The following PSD3 variants were observed in gnomAD, a reference collection of about 807,000 sequenced individuals.
PSD3 encodes pleckstrin and Sec7 domain containing 3, also known as PH and SEC7 domain-containing protein 3.
PSD3 carries 49 observed loss-of-function variants against 105.5 expected under a neutral mutation model. The ratio of observed to expected loss-of-function variants is 0.46; its 90% CI spans 0.37 to 0.59. The LOEUF (loss-of-function observed/expected upper bound fraction) is 0.59. PSD3 is among the 20% of genes least tolerant of loss of function. The pLI, the probability that PSD3 is intolerant of heterozygous loss-of-function variation, is 0.00. For missense variants in PSD3, 1,561 were observed against 1,263.8 expected (o/e 1.24, Z -3.57); for synonymous variants, 557 against 457.8 (o/e 1.22, Z -2.77).
chr8:18,804,515 G>A lies in PSD3; in HGVS notation c.1910+7C>T. 3.1e-6 allele frequency: 5 copies of A among 1,595,684 alleles called. No individual in the cohort carries two copies. The highest frequency in any genetic ancestry group is 3.4e-6 in the Non-Finnish European group (4 of 1,163,586). On this transcript the variant is annotated splice_region_variant and intron_variant, in intron 6 of 15. Transcript: ENST00000327040. The stretch of plus-strand genomic sequence containing the variant: ...CAATGACGAGCAGCAAGGAGGCTTA[G>A]TCATACCTGAGTGACTGATCCAGCG...
chr8:18,959,181 A>G (rs1823760280), intron 1 of PSD3, among the ~76,000 whole-genome samples: 1 of 152,200 alleles, frequency 6.6e-6, no homozygotes, highest in African/African-American at 2.4e-5. Context: ...TCGGCCTCCC[A>G]AAGTGCTGGG....
At chr8:18,689,922 T>C (rs1209582043) in intron 9 of PSD3, among the ~76,000 whole-genome samples, 1 of 152,212 alleles carries the variant, frequency 6.6e-6, no homozygotes, top group Non-Finnish European at 1.5e-5. Flanking sequence ...CAAAGTGACT[T>C]GTCCAGGAGC....
intron 4 of PSD3, among the ~76,000 whole-genome samples, chr8:18,829,932 A>C (rs1813544696): frequency 6.6e-6 from 1 of 152,148 alleles, no homozygotes; most frequent in South Asian, 2.1e-4. Context: ...TTCTTCCCCA[A>C]AAAGCTCTGA....
chr8:18,625,269 C>A (rs1806396234), intron 11 of PSD3, among the ~76,000 whole-genome samples: 1 of 151,998 alleles, frequency 6.6e-6, no homozygotes, highest in Admixed American at 6.6e-5. Flanking sequence ...ATCTGACTTA[C>A]TTTCTATATC....
intron 14 of PSD3, among the ~76,000 whole-genome samples, chr8:18,572,276 A>T (rs1310580563): frequency 6.6e-6 from 1 of 152,228 alleles, no homozygotes; most frequent in African/African-American, 2.4e-5. Flanking sequence ...ATTGCTCATA[A>T]TGAACTAATA....
intron 4 of PSD3, among the ~76,000 whole-genome samples, chr8:18,833,566 T>G (rs1399307663): frequency 2.0e-5 from 3 of 152,192 alleles, no homozygotes; most frequent in Non-Finnish European, 4.4e-5. Context: ...GACAAGCCAG[T>G]GGAGAAAATC....
intron 1 of PSD3, among the ~76,000 whole-genome samples, chr8:18,996,607 T>C (rs573211020): frequency 1.1e-4 from 17 of 151,878 alleles, no homozygotes; most frequent in Non-Finnish European, 2.1e-4. Context: ...ACATGAAGCA[T>C]CATATTTTTT....
intron 4 of PSD3, among the ~76,000 whole-genome samples, chr8:18,818,971 A>G (rs2129449078): frequency 6.6e-6 from 1 of 152,264 alleles, no homozygotes; most frequent in Middle Eastern, 3.4e-3. Context: ...CTGTTACATC[A>G]GAGACCCTTG....
intron 9 of PSD3, among the ~76,000 whole-genome samples, chr8:18,662,379 A>C (rs2130877904): frequency 6.6e-6 from 1 of 152,332 alleles, no homozygotes; most frequent in East Asian, 1.9e-4. Flanking sequence ...AACTTTACCT[A>C]GTGAAGAATT....
chr8:18,728,727 A>T (rs951848366), intron 9 of PSD3, among the ~76,000 whole-genome samples: 10 of 152,240 alleles, frequency 6.6e-5, no homozygotes, highest in African/African-American at 2.4e-4. Context: ...TAAGTTAATT[A>T]GCTCGATTTA....
chr8:18,653,544 T>C (rs1259330456), intron 10 of PSD3, among the ~76,000 whole-genome samples: 1 of 152,154 alleles, frequency 6.6e-6, no homozygotes, highest in Non-Finnish European at 1.5e-5. Context: ...GTTAACTTGG[T>C]CAGTGAACCA....
chr8:19,013,880 G>A (rs1329055872), upstream of PSD3, among the ~76,000 whole-genome samples: 1 of 150,686 alleles, frequency 6.6e-6, no homozygotes, highest in South Asian at 2.1e-4. Flanking sequence ...CTCGGGGAGG[G>A]GGGAGGTGGC....
chr8:18,682,010 A>G (rs1010956059), intron 9 of PSD3, among the ~76,000 whole-genome samples: 10 of 152,190 alleles, frequency 6.6e-5, no homozygotes, highest in Non-Finnish European at 1.5e-4. Context: ...ATTCAAAAAA[A>G]AAAAAAAAAA....
chr8:18,815,740 C>A (rs1027655557), intron 4 of PSD3, among the ~76,000 whole-genome samples: 4 of 149,438 alleles, frequency 2.7e-5, no homozygotes, highest in African/African-American at 9.9e-5. Flanking sequence ...CACCCACTGA[C>A]GACATGGCCG....
chr8:19,060,032 A>T (rs911747501), intron 1 of PSD3, among the ~76,000 whole-genome samples: 1 of 152,204 alleles, frequency 6.6e-6, no homozygotes, highest in Non-Finnish European at 1.5e-5. Flanking sequence ...GTCCACCCTT[A>T]AATGTCACTG....
At chr8:18,923,352 C>T (rs1821155678) in intron 2 of PSD3, among the ~76,000 whole-genome samples, 1 of 152,150 alleles carries the variant, frequency 6.6e-6, no homozygotes, top group Admixed American at 6.6e-5. Flanking sequence ...ATAAGGGTTG[C>T]CAGGCATCAG....
At chr8:18,700,217 A>G (rs1801500239) in intron 9 of PSD3, among the ~76,000 whole-genome samples, 1 of 152,204 alleles carries the variant, frequency 6.6e-6, no homozygotes, top group African/African-American at 2.4e-5. Flanking sequence ...TAATGCAGCA[A>G]CTTTCCCTGT....
intron 4 of PSD3, among the ~76,000 whole-genome samples, chr8:18,806,645 T>C (rs750525548): frequency 2.6e-5 from 4 of 151,886 alleles, no homozygotes; most frequent in African/African-American, 7.2e-5. Context: ...CTGTCACACA[T>C]GCTGCTTTGT....
intron 12 of PSD3, among the ~76,000 whole-genome samples, chr8:18,594,466 T>G (rs1323027062): frequency 7.7e-6 from 1 of 130,592 alleles, no homozygotes; most frequent in Admixed American, 9.5e-5. Context: ...ATATTATATA[T>G]ATACAAAAGA....
Sources: allele counts gnomAD v4.1 joint callset (sites outside exome capture counted in the v4.1 genomes callset), GRCh38; gene constraint gnomAD v4.1.1; transcripts MANE v1.5; gene names NCBI Gene and HGNC (gene_info 2026-07-23, HGNC 2026-07-21).